H2AC16: variants seen among roughly 807,000 people sequenced by gnomAD.
The protein encoded by H2AC16 is H2A clustered histone 16.
In H2AC16, 11 loss-of-function variants were observed where a neutral mutation model predicts 6.6. The ratio of observed to expected loss-of-function variants is 1.67; its 90% confidence interval spans 1.05 to 2.77. H2AC16 has a LOEUF of 2.77. Among genes scored for constraint, H2AC16 ranks in the 30% most tolerant of loss-of-function variants. The pLI is 0.00. For missense variants in H2AC16, 212 were observed against 177.1 expected (o/e 1.20, Z -1.12); for synonymous variants, 131 against 80.8 (o/e 1.62, Z -3.33).
In H2AC16 at chr6:27,865,470, A is replaced by T. The variant is rs752356760; in HGVS notation, c.116A>T (p.Asn39Ile). ...GTGCACCGACTGCTCCGCAAGGGCAACTATGCTGAGCGGGTCGGGGCCGGC... is the reference window on the plus strand; with the variant it reads ...GTGCACCGACTGCTCCGCAAGGGCATCTATGCTGAGCGGGTCGGGGCCGGC... ...GRVHRLLRKG[N>I]YAERVGAGAP... The change falls in exon 1 of 1, where the codon AAC becomes ATC. Residue 39 changes from asparagine (N) to isoleucine (I), a missense_variant. Coordinates refer to ENST00000613174, the MANE Select transcript of H2AC16 (RefSeq NM_003511.3). 1 of 1,614,024 alleles carries T rather than the reference A, an allele frequency of 6.2e-7. No individual in the cohort carries two copies. Among genetic ancestry groups the T allele is most frequent in the Non-Finnish European group, 8.5e-7 (1 of 1,179,928 alleles).
chr6:27,865,400 A>T lies in H2AC16; in HGVS notation c.46A>T (p.Lys16Ter), dbSNP rs371961381. 33 of 1,613,206 alleles carry T rather than the reference A, an allele frequency of 2.0e-5. No individual in the cohort carries two copies. In the African/African-American group the frequency reaches 3.7e-4, roughly 18 times the overall value. ...KQGGKARAKA[K>*]TRSSRAGLQF... The stretch of plus-strand genomic sequence containing the variant: ...GGGAGGCAAAGCTCGCGCCAAAGCC[A>T]AGACCCGCTCTTCTCGTGCCGGTCT... The change falls in exon 1 of 1, where the codon AAG (lysine) becomes TAG (stop). Residue 16 changes from lysine (K) to a stop codon, truncating the protein, a stop_gained. Coordinates refer to ENST00000613174, the MANE Select transcript of H2AC16 (RefSeq NM_003511.3). LOFTEE classifies it high-confidence loss of function.
rs1347202775 is a variant in H2AC16, at chr6:27,865,508, C to T, written c.154C>T (p.Leu52=). 2.5e-6 allele frequency: 4 copies of T among 1,614,000 alleles called. No homozygotes were observed. Among genetic ancestry groups the T allele is most frequent in the Non-Finnish European group, 3.4e-6 (4 of 1,180,002 alleles). The change falls in exon 1 of 1, where the codon CTG becomes TTG. Residue 52 remains leucine, a synonymous_variant. Transcript: ENST00000613174. ...ERVGAGAPVY[L]AAVLEYLTAE... ...GGTCGGGGCCGGCGCGCCGGTGTAC[C>T]TGGCGGCGGTGCTGGAGTACCTGAC...
Position 27,865,404 on chromosome 6 carries a change from C to A in H2AC16, c.50C>A (p.Thr17Asn), listed in dbSNP as rs150544468. The A allele has an allele frequency of 6.2e-7, 1 of 1,613,296 alleles. No individual in the cohort carries two copies. The highest frequency in any genetic ancestry group is 8.5e-7 in the Non-Finnish European group (1 of 1,179,528). Residue 17 changes from threonine (T) to asparagine (N), a missense_variant, in exon 1 of 1, where the codon ACC becomes AAC. Physicochemically the swap from Thr to Asn is moderately conservative, Grantham distance 65. Transcript: ENST00000613174. ...GGCAAAGCTCGCGCCAAAGCCAAGA[C>A]CCGCTCTTCTCGTGCCGGTCTCCAG... ...QGGKARAKAK[T>N]RSSRAGLQFP...
chr6:27,865,697 G>C lies in H2AC16; in HGVS notation c.343G>C (p.Val115Leu). The C allele has an allele frequency of 6.2e-7, 1 of 1,614,260 alleles. No individual in the cohort carries two copies. The highest frequency in any genetic ancestry group is 8.5e-7 in the Non-Finnish European group (1 of 1,180,052). Residue 115 changes from valine (V) to leucine (L), a missense_variant, in exon 1 of 1, where the codon GTG (valine) becomes CTG (leucine). Physicochemically the swap from Val to Leu is conservative, Grantham distance 32 (BLOSUM62 1). Coordinates refer to ENST00000613174, the MANE Select transcript of H2AC16 (RefSeq NM_003511.3). The part of the protein sequence containing the change: ...QGGVLPNIQA[V>L]LLPKKTESHH... ...TGGTGTCCTGCCCAACATCCAGGCT[G>C]TGCTACTGCCCAAGAAGACCGAGAG...
In H2AC16 at chr6:27,865,655, G is replaced by A; in HGVS notation, c.301G>A (p.Val101Ile). 4 of 1,614,240 alleles carry A rather than the reference G, an allele frequency of 2.5e-6. No individual in the cohort carries two copies. The highest frequency in any genetic ancestry group is 2.2e-5 in the East Asian group (1 of 44,884). ...DEELNKLLGK[V>I]TIAQGGVLPN... is the part of the protein sequence containing the mutation. ...GGAGCTCAACAAGCTGCTGGGCAAA[G>A]TAACCATCGCTCAGGGTGGTGTCCT... The change falls in exon 1 of 1, where the codon GTA becomes ATA. Residue 101 changes from valine (V) to isoleucine (I), a missense_variant. Coordinates refer to ENST00000613174, the MANE Select transcript of H2AC16 (RefSeq NM_003511.3).
rs775252690 is a variant in H2AC16 at position 27,865,715 on chromosome 6, A to AC, written c.363dup (p.Glu122ArgfsTer14). The AC allele has an allele frequency of 1.9e-6, 3 of 1,614,094 alleles. No homozygotes were observed. Among genetic ancestry groups the AC allele is most frequent in the African/African-American group, 1.3e-5 (1 of 74,950 alleles). On this transcript the variant is annotated frameshift_variant, in exon 1 of 1. Coordinates refer to ENST00000613174, the MANE Select transcript of H2AC16 (RefSeq NM_003511.3). LOFTEE classifies it high-confidence loss of function. Reference sequence around the variant, plus strand: ...CCAGGCTGTGCTACTGCCCAAGAAGACCGAGAGTCACCACAAGGCCAAAGG... The same window carrying AC: ...CCAGGCTGTGCTACTGCCCAAGAAGACCCGAGAGTCACCACAAGGCCAAAGG...
Position 27,865,698 on chromosome 6 carries a change from T to C in H2AC16, c.344T>C (p.Val115Ala). 2 of 1,614,250 alleles carry C rather than the reference T, an allele frequency of 1.2e-6. No individual in the cohort carries two copies. Among genetic ancestry groups the C allele is most frequent in the South Asian group, 1.1e-5 (1 of 91,082 alleles). ...QGGVLPNIQAVLLPKKTESHH... is the reference protein window; with the variant it reads ...QGGVLPNIQAALLPKKTESHH... ...GGTGTCCTGCCCAACATCCAGGCTG[T>C]GCTACTGCCCAAGAAGACCGAGAGT... Residue 115 changes from valine to alanine, a missense_variant, in exon 1 of 1, where the codon GTG (valine) becomes GCG (alanine). Physicochemically the swap from Val to Ala is moderately conservative, Grantham distance 64. Coordinates refer to ENST00000613174, the MANE Select transcript of H2AC16 (RefSeq NM_003511.3).
chr6:27,865,533 C>T lies in H2AC16; in HGVS notation c.179C>T (p.Thr60Ile). 6.2e-7 allele frequency: 1 copy of T among 1,614,210 alleles called. No homozygotes were observed. Among genetic ancestry groups the T allele is most frequent in the Non-Finnish European group, 8.5e-7 (1 of 1,180,038 alleles). ...VYLAAVLEYL[T>I]AEILELAGNA... is the part of the protein sequence containing the mutation. ...CTGGCGGCGGTGCTGGAGTACCTGA[C>T]TGCCGAGATCCTGGAGCTGGCGGGC... is the stretch of plus-strand genomic sequence containing the variant. Residue 60 changes from threonine (T) to isoleucine (I), a missense_variant, in exon 1 of 1, where the codon ACT becomes ATT. Transcript: ENST00000613174.
chr6:27,865,547 G>C lies in H2AC16; in HGVS notation c.193G>C (p.Glu65Gln). The change falls in exon 1 of 1, where the codon GAG becomes CAG. Residue 65 changes from glutamate (E) to glutamine (Q), a missense_variant. Glu to Gln is a conservative substitution (Grantham distance 29, BLOSUM62 2). Coordinates refer to ENST00000613174, the MANE Select transcript of H2AC16 (RefSeq NM_003511.3). ...GGAGTACCTGACTGCCGAGATCCTG[G>C]AGCTGGCGGGCAACGCCGCCCGCGA... The part of the protein sequence containing the change: ...VLEYLTAEIL[E>Q]LAGNAARDNK... The C allele has an allele frequency of 6.2e-7, 1 of 1,614,188 alleles. No homozygotes were observed. The highest frequency in any genetic ancestry group is 1.1e-5 in the South Asian group (1 of 91,086).
At position 27,865,745 on chromosome 6, in the gene H2AC16, T is replaced by C; in HGVS notation, c.391T>C (p.Ter131GlnextTer?). Residue 131 changes from the stop codon to glutamine, a stop_lost, in exon 1 of 1, where the codon TAA becomes CAA. Coordinates refer to ENST00000613174, the MANE Select transcript of H2AC16 (RefSeq NM_003511.3). The part of the protein sequence containing the change: ...TESHHKAKGK[*>Q] ...GAGTCACCACAAGGCCAAAGGCAAA[T>C]AATGTCTCCATAGAATCACTTTCCA... 1 of 1,613,644 alleles carries C rather than the reference T, an allele frequency of 6.2e-7. No homozygotes were observed. Among genetic ancestry groups the C allele is most frequent in the Non-Finnish European group, 8.5e-7 (1 of 1,179,602 alleles).
rs749128960 is a variant in H2AC16 at position 27,865,528 on chromosome 6, C to T, written c.174C>T (p.Tyr58=). The T allele has an allele frequency of 3.2e-5, 52 of 1,614,064 alleles. No homozygotes were observed. Among genetic ancestry groups the T allele is most frequent in the Middle Eastern group, 1.6e-4 (1 of 6,084 alleles). The change falls in exon 1 of 1, where the codon TAC becomes TAT. Residue 58 remains tyrosine, a synonymous_variant. Coordinates refer to ENST00000613174, the MANE Select transcript of H2AC16 (RefSeq NM_003511.3). ...TGTACCTGGCGGCGGTGCTGGAGTACCTGACTGCCGAGATCCTGGAGCTGG... is the reference window on the plus strand; with the variant it reads ...TGTACCTGGCGGCGGTGCTGGAGTATCTGACTGCCGAGATCCTGGAGCTGG... The part of the protein sequence containing the change: ...APVYLAAVLE[Y]LTAEILELAG...
In H2AC16 at chr6:27,865,364, C is replaced by T. The variant is rs748822589; in HGVS notation, c.10C>T (p.Arg4Cys). Reference protein sequence around the residue: MSGRGKQGGKARAK... With the variant: MSGCGKQGGKARAK... The stretch of plus-strand genomic sequence containing the variant: ...TTATCGTTTCTTCGTCATGTCGGGA[C>T]GCGGCAAGCAGGGAGGCAAAGCTCG... The change falls in exon 1 of 1, where the codon CGC becomes TGC. Residue 4 changes from arginine to cysteine, a missense_variant. Coordinates refer to ENST00000613174, the MANE Select transcript of H2AC16 (RefSeq NM_003511.3). 13 of 1,605,364 alleles carry T rather than the reference C, an allele frequency of 8.1e-6. No homozygotes were observed. The highest frequency in any genetic ancestry group is 1.3e-5 in the African/African-American group (1 of 74,654).
In H2AC16 at chr6:27,865,618, C is replaced by T. The variant is rs1223474855; in HGVS notation, c.264C>T (p.Ile88=). ...TCCCGCGCCACTTGCAGCTGGCCAT[C>T]CGCAACGACGAGGAGCTCAACAAGC... The part of the protein sequence containing the change: ...RIIPRHLQLA[I]RNDEELNKLL... Residue 88 remains isoleucine, a synonymous_variant, in exon 1 of 1, where the codon ATC becomes ATT. Transcript: ENST00000613174. 2 of 1,614,244 alleles carry T rather than the reference C, an allele frequency of 1.2e-6. No homozygotes were observed. The highest frequency in any genetic ancestry group is 2.2e-5 in the South Asian group (2 of 91,082).
At position 27,865,359 on chromosome 6, in the gene H2AC16, C is replaced by A. The variant is rs201871635; in HGVS notation, c.5C>A (p.Ser2Ter). The A allele has an allele frequency of 3.1e-6, 5 of 1,604,224 alleles. No homozygotes were observed. In the African/African-American group the frequency reaches 6.7e-5, roughly 21 times the overall value. Residue 2 changes from serine to a stop codon, truncating the protein, a stop_gained, in exon 1 of 1, where the codon TCG becomes TAG. Coordinates refer to ENST00000613174, the MANE Select transcript of H2AC16 (RefSeq NM_003511.3). LOFTEE classifies it high-confidence loss of function. ...TCCATTTATCGTTTCTTCGTCATGT[C>A]GGGACGCGGCAAGCAGGGAGGCAAA... M[S>*]GRGKQGGKAR...
At position 27,865,645 on chromosome 6, in the gene H2AC16, G is replaced by T. The variant is rs1224397732; in HGVS notation, c.291G>T (p.Leu97=). 3 of 1,614,252 alleles carry T rather than the reference G, an allele frequency of 1.9e-6. No individual in the cohort carries two copies. The highest frequency in any genetic ancestry group is 1.3e-5 in the African/African-American group (1 of 75,062). ...GCAACGACGAGGAGCTCAACAAGCT[G>T]CTGGGCAAAGTAACCATCGCTCAGG... The part of the protein sequence containing the change: ...AIRNDEELNK[L]LGKVTIAQGG... Residue 97 remains leucine (L), a synonymous_variant, in exon 1 of 1, where the codon CTG becomes CTT. Transcript: ENST00000613174.
Position 27,865,468 on chromosome 6 carries a change from C to G in H2AC16, c.114C>G (p.Gly38=), listed in dbSNP as rs780435458. ...VGRVHRLLRK[G]NYAERVGAGA... ...GAGTGCACCGACTGCTCCGCAAGGG[C>G]AACTATGCTGAGCGGGTCGGGGCCG... Residue 38 remains glycine (G), a synonymous_variant, in exon 1 of 1, where the codon GGC becomes GGG. Transcript: ENST00000613174. 2 of 1,614,050 alleles carry G rather than the reference C, an allele frequency of 1.2e-6. No homozygotes were observed. Among genetic ancestry groups the G allele is most frequent in the Non-Finnish European group, 1.7e-6 (2 of 1,179,952 alleles).
In H2AC16 at chr6:27,865,633, G is replaced by A. The variant is rs760036226; in HGVS notation, c.279G>A (p.Glu93=). ...AGCTGGCCATCCGCAACGACGAGGA[G>A]CTCAACAAGCTGCTGGGCAAAGTAA... ...HLQLAIRNDE[E]LNKLLGKVTI... Residue 93 remains glutamate (E), a synonymous_variant, in exon 1 of 1, where the codon GAG becomes GAA. Coordinates refer to ENST00000613174, the MANE Select transcript of H2AC16 (RefSeq NM_003511.3). 5 of 1,614,230 alleles carry A rather than the reference G, an allele frequency of 3.1e-6. No individual in the cohort carries two copies. Among genetic ancestry groups the A allele is most frequent in the African/African-American group, 1.3e-5 (1 of 75,070 alleles).
In H2AC16 at chr6:27,865,405, C is replaced by T. The variant is rs756461663; in HGVS notation, c.51C>T (p.Thr17=). ...QGGKARAKAK[T]RSSRAGLQFP... ...GCAAAGCTCGCGCCAAAGCCAAGAC[C>T]CGCTCTTCTCGTGCCGGTCTCCAGT... is the stretch of plus-strand genomic sequence containing the variant. Residue 17 remains threonine, a synonymous_variant, in exon 1 of 1, where the codon ACC becomes ACT. Coordinates refer to ENST00000613174, the MANE Select transcript of H2AC16 (RefSeq NM_003511.3). 3.7e-6 allele frequency: 6 copies of T among 1,613,280 alleles called. No individual in the cohort carries two copies. Among genetic ancestry groups the T allele is most frequent in the Non-Finnish European group, 5.1e-6 (6 of 1,179,516 alleles).
Position 27,865,403 on chromosome 6 carries a change from A to G in H2AC16, c.49A>G (p.Thr17Ala), listed in dbSNP as rs1761475311. Residue 17 changes from threonine (T) to alanine (A), a missense_variant, in exon 1 of 1, where the codon ACC becomes GCC. Coordinates refer to ENST00000613174, the MANE Select transcript of H2AC16 (RefSeq NM_003511.3). ...AGGCAAAGCTCGCGCCAAAGCCAAG[A>G]CCCGCTCTTCTCGTGCCGGTCTCCA... is the stretch of plus-strand genomic sequence containing the variant. ...QGGKARAKAK[T>A]RSSRAGLQFP... The G allele has an allele frequency of 1.9e-6, 3 of 1,613,130 alleles. No homozygotes were observed. The highest frequency in any genetic ancestry group is 1.3e-5 in the African/African-American group (1 of 74,852).
Sources: allele counts gnomAD v4.1 joint callset, GRCh38; gene constraint gnomAD v4.1.1; transcripts MANE v1.5; gene names NCBI Gene and HGNC (gene_info 2026-07-23, HGNC 2026-07-21).